The following KLHL6 variants were observed in gnomAD, a reference collection of about 807,000 sequenced individuals.
KLHL6 encodes the protein kelch like family member 6.
In KLHL6, 41 loss-of-function variants were observed where a neutral mutation model predicts 58.6. That is an observed-to-expected ratio of 0.70 (90% CI 0.55 to 0.91). The LOEUF is 0.91. Ranked by LOEUF, KLHL6 falls within the 40% of genes least tolerant of loss-of-function variation. The probability of loss-of-function intolerance (pLI) is 0.00; values close to 1 mark genes in which losing one functional copy is unlikely to be tolerated. For synonymous variants in KLHL6, 338 were observed against 322.7 expected (o/e 1.05, Z -0.51); for missense variants, 714 against 805.6 (o/e 0.89, Z 1.38).
At chr3:183,504,865 A>G (rs542610854) in intron 3 of KLHL6, among the ~76,000 whole-genome samples, 6 of 151,938 alleles carry the variant, frequency 3.9e-5, no homozygotes, top group East Asian at 1.9e-4. Context: ...CTCATCCTCT[A>G]CCCTCAAGTA....
At chr3:183,503,808 AATGGGAAAGATG>A (rs1372860353) in intron 3 of KLHL6, among the ~76,000 whole-genome samples, 1 of 152,144 alleles carries the variant, frequency 6.6e-6, no homozygotes, top group East Asian at 1.9e-4. Flanking sequence ...ATAAAACAAA[AATGGGAAAGATG>A]ATGATAGGAC....
rs945798570 is a variant in KLHL6, at chr3:183,489,541, G to C, written c.*2386C>G. 6.6e-6 allele frequency: 1 copy of C among 152,214 alleles called. No individual in the cohort carries two copies. The highest frequency in any genetic ancestry group is 1.5e-5 in the Non-Finnish European group (1 of 68,044). 9.4% of individuals were successfully genotyped at this position (152,214 alleles called of 1,614,324 possible). ...TTTGCCATTCGTGGGTGTCCTCAAGGCTTGACAGACATGAAGAACTCCATG... is the reference window on the plus strand; with the variant it reads ...TTTGCCATTCGTGGGTGTCCTCAAGCCTTGACAGACATGAAGAACTCCATG... On this transcript the variant is annotated 3_prime_UTR_variant, in exon 7 of 7. Transcript: ENST00000341319.
Position 183,502,480 on chromosome 3 carries a change from T to C in KLHL6, c.910-2653A>G, listed in dbSNP as rs547343734. Among the ~76,000 whole-genome samples the C allele has an allele frequency of 5.3e-5, 8 of 152,198 alleles. No individual in the cohort carries two copies. The East Asian group carries it at 5.8e-4, about 11-fold the overall frequency. On this transcript the variant is annotated intron_variant, in intron 3 of 6. Transcript: ENST00000341319. ...GAATTGGTCTCTATGACCAACAGAT[T>C]ACAGCAGAAGTGATGATACATCACT...
At chr3:183,510,185 T>G (rs562761568) in intron 2 of KLHL6, among the ~76,000 whole-genome samples, 1 of 152,182 alleles carries the variant, frequency 6.6e-6, no homozygotes, top group Non-Finnish European at 1.5e-5. Flanking sequence ...TTTGAACAAT[T>G]TCAACCTCCT....
intron 1 of KLHL6, among the ~76,000 whole-genome samples, chr3:183,551,270 G>A (rs1182309094): frequency 4.6e-5 from 7 of 152,142 alleles, no homozygotes; most frequent in Non-Finnish European, 8.8e-5. Context: ...AGACAGTCCC[G>A]GGGAATGATG....
chr3:183,531,632 G>C (rs547771817), intron 1 of KLHL6, among the ~76,000 whole-genome samples: 31 of 151,946 alleles, frequency 2.0e-4, no homozygotes, highest in African/African-American at 7.5e-4. Context: ...ATTTTTAGTA[G>C]AGACGGGGTT....
intron 2 of KLHL6, among the ~76,000 whole-genome samples, chr3:183,526,814 G>T (rs947995268): frequency 1.1e-4 from 16 of 152,016 alleles, no homozygotes; most frequent in Non-Finnish European, 2.9e-5. Flanking sequence ...GTATATTAAA[G>T]TTGGCTGGGC....
intron 3 of KLHL6, among the ~76,000 whole-genome samples, chr3:183,505,795 T>C (rs989379947): frequency 6.6e-6 from 1 of 152,132 alleles, no homozygotes. Flanking sequence ...TTATATTAAA[T>C]GAAAAAATTC....
chr3:183,530,522 A>G (rs897751108), intron 1 of KLHL6, among the ~76,000 whole-genome samples: 6 of 152,190 alleles, frequency 3.9e-5, no homozygotes, highest in African/African-American at 1.4e-4. Flanking sequence ...CTCCTACTGC[A>G]TGTAGTAAAA....
chr3:183,501,941 TCCTCAGCA>T (rs1482081060), intron 3 of KLHL6, among the ~76,000 whole-genome samples: 1 of 152,140 alleles, frequency 6.6e-6, no homozygotes, highest in Non-Finnish European at 1.5e-5. Flanking sequence ...CTCCAGTGGA[TCCTCAGCA>T]CCAAGAATAG....
chr3:183,528,833 C>A (rs1712063544), intron 1 of KLHL6, among the ~76,000 whole-genome samples: 1 of 152,096 alleles, frequency 6.6e-6, no homozygotes, highest in African/African-American at 2.4e-5. Flanking sequence ...ATCATTCTAC[C>A]ATACACATGC....
At chr3:183,497,035 T>C (rs1717731368) in intron 4 of KLHL6, among the ~76,000 whole-genome samples, 1 of 151,798 alleles carries the variant, frequency 6.6e-6, no homozygotes, top group Non-Finnish European at 1.5e-5. Flanking sequence ...TCCCAGCACT[T>C]TGGGAGACCG....
At chr3:183,534,150 A>AAAAGTACTTTACTTTT (rs1712282395) in intron 1 of KLHL6, among the ~76,000 whole-genome samples, 1 of 149,790 alleles carries the variant, frequency 6.7e-6, no homozygotes. Context: ...AAAGTACTTT[A>AAAAGTACTTTACTTTT]AAAGTACTTT....
intron 2 of KLHL6, among the ~76,000 whole-genome samples, chr3:183,516,221 T>A (rs1711553757): frequency 6.6e-6 from 1 of 152,086 alleles, no homozygotes; most frequent in Admixed American, 6.6e-5. Context: ...GTGTGAGGGG[T>A]GTAGGGCAAC....
At chr3:183,551,549 G>A (rs1014546559) in intron 1 of KLHL6, among the ~76,000 whole-genome samples, 6 of 152,184 alleles carry the variant, frequency 3.9e-5, no homozygotes, top group African/African-American at 1.4e-4. Context: ...CAAGGTTTTC[G>A]TGAACATAAT....
Position 183,492,476 on chromosome 3 carries a change from TAAG to T in KLHL6, c.1564+15_1564+17del. The T allele has an allele frequency of 1.2e-6, 2 of 1,613,414 alleles. No homozygotes were observed. The highest frequency in any genetic ancestry group is 1.7e-6 in the Non-Finnish European group (2 of 1,179,402). On this transcript the variant is annotated intron_variant, in intron 6 of 6. Transcript: ENST00000341319. This position sits in a 1 kb window ranked among gnomAD's most constrained non-coding sequence, Gnocchi z 5.9. ...TCAGGTTCTAAGCCATTCAGACCAA[TAAG>T]AAGCCATTACTCACCAACGACATAG...
Position 183,527,848 on chromosome 3 carries a change from G to A in KLHL6, c.456C>T (p.Phe152=). 6.2e-7 allele frequency: 1 copy of A among 1,613,928 alleles called. No homozygotes were observed. The highest frequency in any genetic ancestry group is 1.3e-5 in the African/African-American group (1 of 74,990). ...VQRVLEAANL[F]QFLRMVDACA... is the part of the protein sequence containing the mutation. ...CTGAGCCAGTTTGTTCACACACCTG[G>A]AAGAGGTTAGCAGCCTCCAGGACCC... Residue 152 remains phenylalanine, a synonymous_variant, in exon 2 of 7, where the codon TTC becomes TTT. Transcript: ENST00000341319.
rs901414320 is a variant in KLHL6 at position 183,492,897 on chromosome 3, C to T, written c.1351-190G>A. ...AAAGCATGCATTTCCCACCCTCCCTCCAGGCTCCACGCAAGCTAGAGCAAG... is the reference window on the plus strand; with the variant it reads ...AAAGCATGCATTTCCCACCCTCCCTTCAGGCTCCACGCAAGCTAGAGCAAG... On this transcript the variant is annotated intron_variant, in intron 5 of 6. Transcript: ENST00000341319. This position sits in a 1 kb window ranked among gnomAD's most constrained non-coding sequence, Gnocchi z 5.9. 1.2e-5 allele frequency: 7 copies of T among 577,654 alleles called. No homozygotes were observed. The African/African-American group carries it at 1.3e-4, about 11-fold the overall frequency. 35.8% of individuals were successfully genotyped at this position (577,654 alleles called of 1,614,324 possible).
intron 1 of KLHL6, among the ~76,000 whole-genome samples, chr3:183,531,039 G>A (rs1390821772): frequency 2.0e-5 from 3 of 151,872 alleles, no homozygotes; most frequent in Non-Finnish European, 2.9e-5. Context: ...TCGCCATGTT[G>A]GCCAGGCTGG....
Sources: allele counts gnomAD v4.1 joint callset (sites outside exome capture counted in the v4.1 genomes callset), GRCh38; gene constraint gnomAD v4.1.1; non-coding constraint Gnocchi (gnomAD v3.1); transcripts MANE v1.5; gene names NCBI Gene and HGNC (gene_info 2026-07-23, HGNC 2026-07-21).